Variants in IL18RAP observed in about 807,000 individuals in gnomAD.
IL18RAP encodes interleukin-18 receptor accessory protein.
Under a neutral mutation model 58.1 loss-of-function variants are expected in IL18RAP, and 37 were observed. That is an observed-to-expected ratio of 0.64 (90% CI 0.49 to 0.84). The LOEUF (loss-of-function observed/expected upper bound fraction) is 0.84. Among genes scored for constraint, IL18RAP ranks in the 40% least tolerant of loss-of-function variants. IL18RAP has a pLI of 0.00. For synonymous variants in IL18RAP, 268 were observed against 257.5 expected (o/e 1.04, Z -0.39); for missense variants, 667 against 704.8 (o/e 0.95, Z 0.61).
chr2:102,427,249 A>T (rs1682008544), intron 3 of IL18RAP, among the ~76,000 whole-genome samples: 1 of 152,098 alleles, frequency 6.6e-6, no homozygotes, highest in Non-Finnish European at 1.5e-5. Context: ...ACTGATTTCA[A>T]TCTCTTTGGA....
intron 3 of IL18RAP, among the ~76,000 whole-genome samples, chr2:102,432,834 T>C (rs892357257): frequency 6.6e-6 from 1 of 152,130 alleles, no homozygotes; most frequent in Admixed American, 6.5e-5. Context: ...TTAAAGTGAG[T>C]TATTTATTAT....
chr2:102,429,201 G>A (rs1682172225), intron 3 of IL18RAP, among the ~76,000 whole-genome samples: 1 of 151,772 alleles, frequency 6.6e-6, no homozygotes, highest in African/African-American at 2.4e-5. Context: ...AGTGATGCTT[G>A]ATTCATAAAA....
rs1009337024 is a variant in IL18RAP at position 102,450,901 on chromosome 2, A to G, written c.1264A>G (p.Ser422Gly). Residue 422 changes from serine to glycine, a missense_variant, in exon 9 of 10, where the codon AGT (serine) becomes GGT (glycine). Physicochemically the swap from Ser to Gly is moderately conservative, Grantham distance 56. Transcript: ENST00000687160. The part of the protein sequence containing the change: ...VSYAKWSSFP[S>G]EATSSLSEEH... ...CTATGCAAAATGGAGCTCTTTTCCA[A>G]GTGAGGCCACTTCATCTCTGAGTGA... 4 of 1,611,634 alleles carry G rather than the reference A, an allele frequency of 2.5e-6. No individual in the cohort carries two copies. Among genetic ancestry groups the G allele is most frequent in the Non-Finnish European group, 3.4e-6 (4 of 1,179,196 alleles).
At chr2:102,433,639 AG>A (rs1184577216) in intron 3 of IL18RAP, among the ~76,000 whole-genome samples, 1 of 151,942 alleles carries the variant, frequency 6.6e-6, no homozygotes, top group Admixed American at 6.6e-5. Flanking sequence ...TCCACCTCCC[AG>A]GTTCAAGCTA....
At chr2:102,420,580 C>G (rs989739648), upstream of IL18RAP, among the ~76,000 whole-genome samples, 2 of 152,186 alleles carry the variant, frequency 1.3e-5, no homozygotes, top group Admixed American at 1.3e-4. Context: ...ATCGTGGTAA[C>G]TAATTTGCTA....
intron 7 of IL18RAP, 67 bp from the exon 8 acceptor site, chr2:102,447,003 G>C: frequency 6.5e-7 from 1 of 1,533,046 alleles, no homozygotes; most frequent in Middle Eastern, 2.2e-4. Context: ...CATAGCGCCG[G>C]CCTGAACATG....
chr2:102,428,987 T>C (rs991614518), intron 3 of IL18RAP, among the ~76,000 whole-genome samples: 1 of 152,008 alleles, frequency 6.6e-6, no homozygotes, highest in Non-Finnish European at 1.5e-5. Flanking sequence ...ATTTTATTAA[T>C]GTAGTCTATC....
intron 4 of IL18RAP, among the ~76,000 whole-genome samples, chr2:102,438,072 A>G (rs1484015775): frequency 1.3e-5 from 2 of 152,146 alleles, no homozygotes; most frequent in Admixed American, 6.5e-5. Flanking sequence ...TTTCTGCTCC[A>G]TAGTATACTT....
chr2:102,435,552 C>T (rs940448284), intron 3 of IL18RAP, among the ~76,000 whole-genome samples: 5 of 152,136 alleles, frequency 3.3e-5, no homozygotes, highest in Admixed American at 6.5e-5. Flanking sequence ...ACCTGAAATG[C>T]ACCAGGGAGA....
In IL18RAP at chr2:102,423,867, G is replaced by C; in HGVS notation, c.127G>C (p.Val43Leu). 6.2e-7 allele frequency: 1 copy of C among 1,613,932 alleles called. No individual in the cohort carries two copies. Among genetic ancestry groups the C allele is most frequent in the Admixed American group, 1.7e-5 (1 of 59,986 alleles). The change falls in exon 2 of 10, where the codon GTC becomes CTC. Residue 43 changes from valine to leucine, a missense_variant. Physicochemically the swap from Val to Leu is conservative, Grantham distance 32. Transcript: ENST00000687160. ...TTCTACAAGGAGTGAAGAGGAATTT[G>C]TCTTATTTTGTGATTTACCAGAGCC... ...TYSTRSEEEFVLFCDLPEPQK... is the reference protein window; with the variant it reads ...TYSTRSEEEFLLFCDLPEPQK...
chr2:102,429,954 A>T (rs924277414), intron 3 of IL18RAP, among the ~76,000 whole-genome samples: 1 of 151,986 alleles, frequency 6.6e-6, no homozygotes, highest in African/African-American at 2.4e-5. Context: ...CAATTTTCTT[A>T]AAGTTGTTAA....
chr2:102,439,100 T>C (rs1375496046), intron 4 of IL18RAP: 1 of 152,264 alleles, frequency 6.6e-6, no homozygotes, highest in Non-Finnish European at 1.5e-5. Flanking sequence ...GTTAAAATTA[T>C]CTAATTACCT....
upstream of IL18RAP, among the ~76,000 whole-genome samples, chr2:102,420,534 T>A (rs1013437013): frequency 2.0e-5 from 3 of 152,126 alleles, no homozygotes; most frequent in Non-Finnish European, 4.4e-5. Flanking sequence ...CATCTCAAGG[T>A]TGGCGGACAT....
chr2:102,428,085 C>T (rs1488740134), intron 3 of IL18RAP, among the ~76,000 whole-genome samples: 1 of 151,218 alleles, frequency 6.6e-6, no homozygotes, highest in South Asian at 2.1e-4. Context: ...CAGTACCATG[C>T]TGTTTTGATT....
At chr2:102,439,140 A>C (rs1215264810) in intron 4 of IL18RAP, 1 of 152,244 alleles carries the variant, frequency 6.6e-6, no homozygotes, top group East Asian at 1.9e-4. Context: ...AAATTTATGA[A>C]GGAACAATGG....
intron 6 of IL18RAP, 75 bp downstream of exon 6, chr2:102,443,398 A>G: frequency 1.2e-5 from 18 of 1,521,942 alleles, no homozygotes; most frequent in South Asian, 2.4e-5. Context: ...TGCCTAAAGT[A>G]TACAGTTGAT....
At chr2:102,441,529 T>A (rs1683103467) in intron 5 of IL18RAP, 152 bp downstream of exon 5, 2 of 615,532 alleles carry the variant, frequency 3.2e-6, no homozygotes, top group South Asian at 3.8e-5. Flanking sequence ...CTTTGCACAG[T>A]TACTTCATCC....
chr2:102,429,842 C>T (rs1201688889), intron 3 of IL18RAP, among the ~76,000 whole-genome samples: 8 of 151,870 alleles, frequency 5.3e-5, no homozygotes, highest in Non-Finnish European at 1.2e-4. Flanking sequence ...TTTAGGAGCA[C>T]TTTGTTTCAT....
chr2:102,432,583 A>T (rs929022730), intron 3 of IL18RAP, among the ~76,000 whole-genome samples: 7 of 152,114 alleles, frequency 4.6e-5, no homozygotes, highest in Non-Finnish European at 1.0e-4. Context: ...GGCTACAAAG[A>T]TGTGTGTGGG....
Sources: gnomAD v4.1 joint callset for allele counts (sites outside exome capture counted in the v4.1 genomes callset) on GRCh38, gnomAD v4.1.1 for gene constraint, MANE v1.5 for transcripts, NCBI Gene and HGNC (gene_info 2026-07-23, HGNC 2026-07-21) for gene names.